The following NR5A2 variants were observed in gnomAD, a reference collection of about 807,000 sequenced individuals.
NR5A2 encodes nuclear receptor subfamily 5 group A member 2.
In NR5A2, 26 loss-of-function variants were observed where a neutral mutation model predicts 62.7. The ratio of observed to expected loss-of-function variants is 0.41; its 90% CI spans 0.30 to 0.58. The LOEUF (loss-of-function observed/expected upper bound fraction) is 0.58, where lower values mean the gene tolerates loss of function less well. Among genes scored for constraint, NR5A2 ranks in the 20% least tolerant of loss-of-function variants. The pLI is 0.22. For synonymous variants in NR5A2, 246 were observed against 241.7 expected, an observed-to-expected ratio of 1.02 and a Z score of -0.16; for missense variants, 541 against 669.1, an observed-to-expected ratio of 0.81 and a Z score of 2.11.
chr1:200,030,927 C>G (rs10919798), intron 1 of NR5A2, among the ~76,000 whole-genome samples: 1 of 152,188 alleles, frequency 6.6e-6, no homozygotes, highest in Non-Finnish European at 1.5e-5. Context: ...TCAGTGATAA[C>G]CTCCAGCAAG....
At chr1:200,081,276 C>T (rs886325150) in intron 5 of NR5A2, among the ~76,000 whole-genome samples, 2 of 152,184 alleles carry the variant, frequency 1.3e-5, no homozygotes, top group African/African-American at 2.4e-5. Context: ...TAGTTGTTTT[C>T]GTCATTTCAG....
chr1:200,147,969 C>A lies in NR5A2; in HGVS notation c.1379-25994C>A. 1 of 318,170 alleles carries A rather than the reference C, an allele frequency of 3.1e-6. No individual in the cohort carries two copies. The highest frequency in any genetic ancestry group is 4.4e-5 in the South Asian group (1 of 22,602). 19.7% of individuals were successfully genotyped at this position (318,170 alleles called of 1,614,324 possible). A position where few individuals can be genotyped will look rare whatever the true frequency, so the allele number is the denominator to read the frequency against. ...TGTTGCCCTGTGGTAGGCGATGCAT[C>A]GGGCGGCCGCCTTGACCTCCTCCCG... is the stretch of plus-strand genomic sequence containing the variant. On this transcript the variant is annotated intron_variant, in intron 7 of 7. Transcript: ENST00000367362. This position sits in a 1 kb window ranked among gnomAD's most constrained non-coding sequence, Gnocchi z 4.9.
chr1:200,135,603 T>C (rs887378914), intron 7 of NR5A2, among the ~76,000 whole-genome samples: 8 of 152,204 alleles, frequency 5.3e-5, no homozygotes. Flanking sequence ...TTTCTTACTA[T>C]TGAGGTGATA....
chr1:200,148,211 G>A (rs756372750), intron 7 of NR5A2: 6 of 245,434 alleles, frequency 2.4e-5, no homozygotes, highest in Non-Finnish European at 4.1e-5. Context: ...CCTATCAGCC[G>A]CCGCCCCGAC....
intron 7 of NR5A2, among the ~76,000 whole-genome samples, chr1:200,135,572 A>G (rs1481101140): frequency 6.6e-6 from 1 of 152,080 alleles, no homozygotes; most frequent in Non-Finnish European, 1.5e-5. Flanking sequence ...AATGAGGAAA[A>G]AGAGAGGCGT....
chr1:200,145,691 G>A (rs1667670370), intron 7 of NR5A2, among the ~76,000 whole-genome samples: 1 of 152,194 alleles, frequency 6.6e-6, no homozygotes, highest in East Asian at 1.9e-4. Flanking sequence ...CAGTGGCAAT[G>A]GCCATAGCTC....
intron 5 of NR5A2, among the ~76,000 whole-genome samples, chr1:200,076,227 A>C (rs1664031019): frequency 6.6e-6 from 1 of 152,218 alleles, no homozygotes; most frequent in Non-Finnish European, 1.5e-5. Context: ...CCTGTGTTCC[A>C]ATAATAAAAC....
At chr1:200,051,376 CTG>C (rs1488226337) in intron 5 of NR5A2, among the ~76,000 whole-genome samples, 2 of 152,172 alleles carry the variant, frequency 1.3e-5, no homozygotes, top group Non-Finnish European at 2.9e-5. Flanking sequence ...TTTCCCTCCT[CTG>C]TGGATAAATT....
chr1:200,111,208 G>A lies in NR5A2; in HGVS notation c.1117G>A (p.Asp373Asn). 2 of 1,610,072 alleles carry A rather than the reference G, an allele frequency of 1.2e-6. No individual in the cohort carries two copies. Among genetic ancestry groups the A allele is most frequent in the Non-Finnish European group, 1.7e-6 (2 of 1,178,816 alleles). Reference sequence around the variant, plus strand: ...GTTTCTATTTCTTTTGCAGGTTGATGACCAAATGAAGCTGCTTCAGAACTG... The same window carrying A: ...GTTTCTATTTCTTTTGCAGGTTGATAACCAAATGAAGCTGCTTCAGAACTG... Reference protein sequence around the residue: ...SIFFRELKVDDQMKLLQNCWS... With the variant: ...SIFFRELKVDNQMKLLQNCWS... The change falls in exon 6 of 8, where the codon GAC (aspartate) becomes AAC (asparagine). Residue 373 changes from aspartate (D) to asparagine (N), a missense_variant. Asp to Asn is a conservative substitution (Grantham distance 23, BLOSUM62 1). This residue lies in a region of NR5A2 where 379 missense variants were observed against 442.0 expected (regional missense o/e 0.86). Transcript: ENST00000367362.
intron 5 of NR5A2, among the ~76,000 whole-genome samples, chr1:200,083,546 G>C (rs561144087): frequency 1.3e-5 from 2 of 152,180 alleles, no homozygotes; most frequent in Admixed American, 6.5e-5. Context: ...ATAATGAAAG[G>C]CTTCGCCATG....
chr1:200,036,814 G>C (rs1451875822), intron 1 of NR5A2, among the ~76,000 whole-genome samples: 1 of 152,168 alleles, frequency 6.6e-6, no homozygotes, highest in Non-Finnish European at 1.5e-5. Flanking sequence ...GAGACTTTCT[G>C]CTCTTTCAGT....
chr1:200,155,965 G>A (rs796495011), intron 7 of NR5A2, among the ~76,000 whole-genome samples: 11 of 151,992 alleles, frequency 7.2e-5, no homozygotes, highest in Admixed American at 6.6e-4. Context: ...GAGCCACCGC[G>A]CCTGGCCCAA....
chr1:200,042,898 C>CG (rs1558099609), intron 2 of NR5A2: 21 of 985,368 alleles, frequency 2.1e-5, no homozygotes, highest in Non-Finnish European at 2.5e-5. Flanking sequence ...TACCCGATCC[C>CG]GGCAGTGAGC....
intron 5 of NR5A2, among the ~76,000 whole-genome samples, chr1:200,072,665 CT>C (rs1663791884): frequency 6.6e-6 from 1 of 152,052 alleles, no homozygotes; most frequent in Non-Finnish European, 1.5e-5. Flanking sequence ...TGGATGAACA[CT>C]TTTAATTACT....
At chr1:200,102,633 C>T (rs1665432214) in intron 5 of NR5A2, among the ~76,000 whole-genome samples, 1 of 152,170 alleles carries the variant, frequency 6.6e-6, no homozygotes, top group Admixed American at 6.6e-5. Flanking sequence ...GCTTTACTTC[C>T]AATTTTACTT....
At chr1:200,073,948 C>CAG (rs1450336477) in intron 5 of NR5A2, among the ~76,000 whole-genome samples, 1 of 152,088 alleles carries the variant, frequency 6.6e-6, no homozygotes, top group Non-Finnish European at 1.5e-5. Context: ...GAACACAGGG[C>CAG]AGAGCTTTTC....
At position 200,147,252 on chromosome 1, in the gene NR5A2, G is replaced by C. The variant is rs1226434049; in HGVS notation, c.1378+26297G>C. On this transcript the variant is annotated intron_variant, in intron 7 of 7. Coordinates refer to ENST00000367362, the MANE Select transcript of NR5A2 (RefSeq NM_205860.3). The surrounding 1 kb of genome is among the most constrained non-coding windows in gnomAD (Gnocchi z 4.9). Reference sequence around the variant, plus strand: ...GAGGCCGCTGCACCACGTGGTGTCAGGAGACCTTAGCAATGGCCCAGGTTC... The same window carrying C: ...GAGGCCGCTGCACCACGTGGTGTCACGAGACCTTAGCAATGGCCCAGGTTC... 6.6e-6 allele frequency among the ~76,000 whole-genome samples: 1 copy of C among 152,226 alleles called. No homozygotes were observed. The highest frequency in any genetic ancestry group is 1.5e-5 in the Non-Finnish European group (1 of 68,036).
At chr1:200,101,176 T>G (rs1665347759) in intron 5 of NR5A2, among the ~76,000 whole-genome samples, 1 of 152,214 alleles carries the variant, frequency 6.6e-6, no homozygotes, top group Non-Finnish European at 1.5e-5. Flanking sequence ...TGCTTCCTGA[T>G]GCACTAAGTA....
chr1:200,120,488 A>G (rs755019901), intron 6 of NR5A2, among the ~76,000 whole-genome samples: 1 of 152,254 alleles, frequency 6.6e-6, no homozygotes, highest in African/African-American at 2.4e-5. Flanking sequence ...TTTATCAGAC[A>G]TAGTAATTCT....
Sources: allele counts gnomAD v4.1 joint callset (sites outside exome capture counted in the v4.1 genomes callset), GRCh38; gene constraint gnomAD v4.1.1; regional missense constraint gnomAD v4.1.1; non-coding constraint Gnocchi (gnomAD v3.1); transcripts MANE v1.5; gene names NCBI Gene and HGNC (gene_info 2026-07-23, HGNC 2026-07-21).